ANO10: variants seen among roughly 807,000 people sequenced by gnomAD.
ANO10 encodes the protein anoctamin 10, also known as anoctamin-10.
A neutral mutation model predicts 74.7 loss-of-function variants in ANO10; 77 were observed. That is an observed-to-expected ratio of 1.03 (90% CI 0.86 to 1.25). The LOEUF (loss-of-function observed/expected upper bound fraction) is 1.25. ANO10 is among the 50% of genes most tolerant of loss of function. The pLI is 0.00. For synonymous variants in ANO10, 279 were observed against 284.9 expected, an observed-to-expected ratio of 0.98 and a Z score of 0.21; for missense variants, 721 against 778.1, an observed-to-expected ratio of 0.93 and a Z score of 0.87.
intron 12 of ANO10, among the ~76,000 whole-genome samples, chr3:43,372,470 C>G (rs1441667220): frequency 1.3e-5 from 2 of 152,188 alleles, no homozygotes; most frequent in East Asian, 1.9e-4. Flanking sequence ...TCATCCTTGT[C>G]CCCTGCTGCC....
chr3:43,626,093 C>G (rs1420436107), upstream of ANO10, among the ~76,000 whole-genome samples: 3 of 151,986 alleles, frequency 2.0e-5, no homozygotes, highest in Non-Finnish European at 2.9e-5. Flanking sequence ...GCCACCACAC[C>G]CAACTAATTT....
At chr3:43,378,356 G>C (rs1446225575) in intron 12 of ANO10, among the ~76,000 whole-genome samples, 1 of 152,140 alleles carries the variant, frequency 6.6e-6, no homozygotes, top group Non-Finnish European at 1.5e-5. Flanking sequence ...AGAGGGGATT[G>C]GTTCCATTCT....
At chr3:43,561,039 A>G (rs2080006141) in intron 9 of ANO10, among the ~76,000 whole-genome samples, 181 bp downstream of exon 9, 1 of 152,236 alleles carries the variant, frequency 6.6e-6, no homozygotes, top group Admixed American at 6.5e-5. Flanking sequence ...TTCAGACAGC[A>G]GTGCTTCAAT....
intron 6 of ANO10, among the ~76,000 whole-genome samples, chr3:43,575,290 C>CA (rs1167405468): frequency 4.6e-5 from 7 of 152,178 alleles, no homozygotes; most frequent in Non-Finnish European, 1.0e-4. Flanking sequence ...AAAGGAAACT[C>CA]AAATTTCTAT....
At chr3:43,626,457 C>T (rs1575569228), upstream of ANO10, among the ~76,000 whole-genome samples, 1 of 152,120 alleles carries the variant, frequency 6.6e-6, no homozygotes, top group South Asian at 2.1e-4. Flanking sequence ...TGCCACCACA[C>T]CCGGCTAATT....
intron 11 of ANO10, among the ~76,000 whole-genome samples, chr3:43,437,717 C>T (rs897910987): frequency 2.0e-5 from 3 of 152,158 alleles, no homozygotes; most frequent in African/African-American, 7.2e-5. Context: ...CCAGAGAAGA[C>T]ACACTACCAG....
chr3:43,635,510 TC>T (rs1270955806), intron 1 of ANO10, among the ~76,000 whole-genome samples: 1 of 152,230 alleles, frequency 6.6e-6, no homozygotes, highest in Non-Finnish European at 1.5e-5. Context: ...GTAAATATAG[TC>T]CTTTATCTAT....
intron 11 of ANO10, among the ~76,000 whole-genome samples, chr3:43,535,713 C>T (rs937429117): frequency 4.6e-5 from 7 of 152,134 alleles, no homozygotes; most frequent in Non-Finnish European, 5.9e-5. Flanking sequence ...GTATAAATGA[C>T]AGTAAATTTT....
At chr3:43,556,698 G>A (rs984988139) in intron 9 of ANO10, among the ~76,000 whole-genome samples, 2 of 152,114 alleles carry the variant, frequency 1.3e-5, no homozygotes, top group Non-Finnish European at 2.9e-5. Context: ...GTTGGACCAT[G>A]CTATCAACAC....
At chr3:43,485,638 G>A (rs1298197554) in intron 11 of ANO10, 1 of 190,814 alleles carries the variant, frequency 5.2e-6, no homozygotes. Flanking sequence ...TAACATTAGC[G>A]CAGCCAGCTG....
intron 1 of ANO10, among the ~76,000 whole-genome samples, chr3:43,659,841 C>T (rs2083901087): frequency 6.6e-6 from 1 of 152,144 alleles, no homozygotes; most frequent in South Asian, 2.1e-4. Context: ...CGACAAACAC[C>T]TCATACAACC....
intron 12 of ANO10, among the ~76,000 whole-genome samples, chr3:43,387,874 C>T (rs957232033): frequency 6.6e-6 from 1 of 152,132 alleles, no homozygotes; most frequent in African/African-American, 2.4e-5. Context: ...TGGGCTTGTA[C>T]CCCCAGGGAG....
chr3:43,635,823 T>G (rs1437749905), intron 1 of ANO10, among the ~76,000 whole-genome samples: 1 of 152,028 alleles, frequency 6.6e-6, no homozygotes, highest in Non-Finnish European at 1.5e-5. Flanking sequence ...GGTTTCACCT[T>G]GTTGGCCAGG....
chr3:43,617,305 C>G (rs1443975592), intron 1 of ANO10, among the ~76,000 whole-genome samples: 1 of 151,726 alleles, frequency 6.6e-6, no homozygotes, highest in Non-Finnish European at 1.5e-5. Flanking sequence ...TCCTGGGCAC[C>G]AGAGGGTAGA....
At chr3:43,571,593 C>A (rs1327764678) in intron 7 of ANO10, among the ~76,000 whole-genome samples, 3 of 151,610 alleles carry the variant, frequency 2.0e-5, no homozygotes, top group Non-Finnish European at 2.9e-5. Context: ...GAACAAAAAA[C>A]CAAACACTGC....
At chr3:43,635,946 T>C (rs956942605) in intron 1 of ANO10, among the ~76,000 whole-genome samples, 1 of 151,908 alleles carries the variant, frequency 6.6e-6, no homozygotes, top group African/African-American at 2.4e-5. Context: ...CTTTGAGTGG[T>C]CCAATGTGTC....
chr3:43,418,439 C>A, intron 12 of ANO10, among the ~76,000 whole-genome samples: 1 of 152,158 alleles, frequency 6.6e-6, no homozygotes, highest in East Asian at 1.9e-4. Flanking sequence ...TTTCAAAGTG[C>A]TGAGGGTCTG....
At position 43,673,260 on chromosome 3, in the gene ANO10, G is replaced by A. The variant is rs146706370; in HGVS notation, c.-12+18257C>T. Among the ~76,000 whole-genome samples, 7 of 152,298 alleles carry A rather than the reference G, an allele frequency of 4.6e-5. No individual in the cohort carries two copies. In the East Asian group the frequency reaches 1.4e-3, roughly 29 times the overall value. The stretch of plus-strand genomic sequence containing the variant: ...TTCCCACTTGTCAGAAAATGTAATA[G>A]AGCCAAGATGCCAATTGGTGTTTGT... On this transcript the variant is annotated intron_variant, in intron 1 of 3. Coordinates refer to the ANO10 transcript ENST00000413397.
chr3:43,525,609 T>G (rs2149230137), intron 11 of ANO10, among the ~76,000 whole-genome samples: 3 of 152,292 alleles, frequency 2.0e-5, no homozygotes, highest in Middle Eastern at 3.4e-3. Context: ...ACAAAGTACT[T>G]TCACCATAAT....
Sources: gnomAD v4.1 joint callset for allele counts (sites outside exome capture counted in the v4.1 genomes callset) on GRCh38, gnomAD v4.1.1 for gene constraint, MANE v1.5 for transcripts, NCBI Gene and HGNC (gene_info 2026-07-23, HGNC 2026-07-21) for gene names.